Variants in OLFM2 observed in about 807,000 individuals in gnomAD.
OLFM2 encodes the protein olfactomedin 2.
Under a neutral mutation model 43.9 loss-of-function variants are expected in OLFM2, and 20 were observed. The observed-to-expected ratio is 0.46, with a 90% CI of 0.32 to 0.66. The LOEUF is 0.66. Among genes scored for constraint, OLFM2 ranks in the 30% least tolerant of loss-of-function variants. The pLI is 0.04. For synonymous variants in OLFM2, 268 were observed against 278.6 expected, an observed-to-expected ratio of 0.96 and a Z score of 0.38; for missense variants, 416 against 643.6, an observed-to-expected ratio of 0.65 and a Z score of 3.83.
At chr19:9,863,957 C>T (rs187136235) in intron 1 of OLFM2, among the ~76,000 whole-genome samples, 3 of 152,370 alleles carry the variant, frequency 2.0e-5, no homozygotes, top group South Asian at 2.1e-4. Flanking sequence ...GCCCTGGCAG[C>T]GGAGCACAGT....
intron 1 of OLFM2, among the ~76,000 whole-genome samples, chr19:9,900,358 G>C (rs1267253812): frequency 1.3e-5 from 2 of 152,138 alleles, no homozygotes; most frequent in Non-Finnish European, 1.5e-5. Context: ...GTGGATGATG[G>C]AGGCACACCA....
chr19:9,866,476 T>C (rs1302438943), intron 1 of OLFM2, among the ~76,000 whole-genome samples: 1 of 150,508 alleles, frequency 6.6e-6, no homozygotes, highest in African/African-American at 2.5e-5. Flanking sequence ...ATGTGGCAGA[T>C]GTACTAAAGA....
intron 1 of OLFM2, among the ~76,000 whole-genome samples, chr19:9,903,787 T>C (rs1287013730): frequency 1.3e-5 from 2 of 152,174 alleles, no homozygotes; most frequent in African/African-American, 4.8e-5. Flanking sequence ...TTTCCTTTCC[T>C]TCTCACTGCA....
At chr19:9,898,652 C>G (rs1440543999) in intron 1 of OLFM2, among the ~76,000 whole-genome samples, 1 of 152,198 alleles carries the variant, frequency 6.6e-6, no homozygotes, top group Non-Finnish European at 1.5e-5. Flanking sequence ...GCATGAGCCA[C>G]TGTGCTTGGC....
intron 5 of OLFM2, among the ~76,000 whole-genome samples, chr19:9,855,220 G>A (rs571473331): frequency 1.7e-5 from 2 of 116,138 alleles, no homozygotes; most frequent in Admixed American, 9.7e-5. Flanking sequence ...GAGTGCTATT[G>A]GTCTTTTTTT....
chr19:9,906,744 C>G (rs1209167215), intron 1 of OLFM2, among the ~76,000 whole-genome samples: 1 of 152,152 alleles, frequency 6.6e-6, no homozygotes, highest in Non-Finnish European at 1.5e-5. Flanking sequence ...GACAAACCTC[C>G]CCTCTGCCTT....
chr19:9,855,570 T>C lies in OLFM2; in HGVS notation c.688-707A>G, dbSNP rs1458561535. 2.0e-5 allele frequency among the ~76,000 whole-genome samples: 3 copies of C among 150,426 alleles called. No individual in the cohort carries two copies. In the East Asian group the frequency reaches 5.9e-4, roughly 30 times the overall value. ...TTCTTTTGAAACAAAGTCTCACTGT[T>C]TTTCCCAGGCTGGCGGGCAGTGGCA... On this transcript the variant is annotated intron_variant, in intron 5 of 5. Coordinates refer to ENST00000264833, the MANE Select transcript of OLFM2 (RefSeq NM_058164.4).
intron 1 of OLFM2, among the ~76,000 whole-genome samples, chr19:9,882,007 G>A (rs1020426424): frequency 1.3e-5 from 2 of 152,174 alleles, no homozygotes; most frequent in South Asian, 4.1e-4. Flanking sequence ...GGCCGAGGCG[G>A]GTGGATGGCT....
intron 1 of OLFM2, among the ~76,000 whole-genome samples, chr19:9,861,681 A>C (rs1425733612): frequency 6.6e-6 from 1 of 152,232 alleles, no homozygotes; most frequent in Admixed American, 6.5e-5. Context: ...GGGTGAAACA[A>C]GTTTTGTTAC....
chr19:9,904,152 TTGTGTGTGTGTGTGTGTGTGTGTGTG>T (rs56281493), intron 1 of OLFM2, among the ~76,000 whole-genome samples: 12 of 127,162 alleles, frequency 9.4e-5, no homozygotes, highest in South Asian at 5.7e-4. Context: ...TGAGTATTGT[TTGTGTGTGTGTGTGTGTGTGTGTGTG>T]TGTGTGTGTG....
intron 1 of OLFM2, among the ~76,000 whole-genome samples, chr19:9,893,608 G>A (rs887001853): frequency 1.3e-5 from 2 of 152,138 alleles, no homozygotes; most frequent in African/African-American, 4.8e-5. Flanking sequence ...TTCACAATCA[G>A]GTGAGGATTT....
intron 1 of OLFM2, among the ~76,000 whole-genome samples, chr19:9,890,262 C>T (rs530358182): frequency 6.6e-6 from 1 of 152,316 alleles, no homozygotes; most frequent in Non-Finnish European, 1.5e-5. Flanking sequence ...ACTGTTTTCT[C>T]AGCTCCAGCT....
At chr19:9,898,765 C>T (rs1234306868) in intron 1 of OLFM2, among the ~76,000 whole-genome samples, 4 of 152,160 alleles carry the variant, frequency 2.6e-5, no homozygotes, top group African/African-American at 9.7e-5. Context: ...ACATCTGATC[C>T]ATCAGCAAGT....
At chr19:9,872,238 G>A (rs889585637) in intron 1 of OLFM2, among the ~76,000 whole-genome samples, 2 of 152,170 alleles carry the variant, frequency 1.3e-5, no homozygotes, top group Admixed American at 6.6e-5. Flanking sequence ...TCAGCCAGGC[G>A]CTGTGGCTCA....
Position 9,913,422 on chromosome 19 carries a change from C to T in OLFM2, c.63+22882G>A, listed in dbSNP as rs895748511. The T allele has an allele frequency of 5.2e-6, 5 of 964,310 alleles. No homozygotes were observed. In the African/African-American group the frequency reaches 8.9e-5, roughly 17 times the overall value. 59.7% of individuals were successfully genotyped at this position (964,310 alleles called of 1,614,324 possible). Reference sequence around the variant, plus strand: ...GGGGCCCCGGGGGCTGCGGCGGCGGCAGCGGCTGTGGCGCGGGTACCACGC... The same window carrying T: ...GGGGCCCCGGGGGCTGCGGCGGCGGTAGCGGCTGTGGCGCGGGTACCACGC... On this transcript the variant is annotated intron_variant, in intron 1 of 5. Transcript: ENST00000264833.
rs748692759 is a variant in OLFM2, at chr19:9,854,597, G to T, written c.954C>A (p.Gly318=). 1.2e-6 allele frequency: 2 copies of T among 1,613,946 alleles called. No individual in the cohort carries two copies. Among genetic ancestry groups the T allele is most frequent in the Non-Finnish European group, 1.7e-6 (2 of 1,180,032 alleles). The change falls in exon 6 of 6, where the codon GGC becomes GGA. Residue 318 remains glycine (G), a synonymous_variant. Transcript: ENST00000264833. This position sits in a 1 kb window ranked among gnomAD's most constrained non-coding sequence, Gnocchi z 9.5. The stretch of plus-strand genomic sequence containing the variant: ...CCATGAAGTCCATGTCGGAGAAGCC[G>T]CCCCAGGAGTAGGGGAAGGTGTTGT... ...GYNNTFPYSW[G]GFSDMDFMVD...
chr19:9,906,721 G>A (rs928269288), intron 1 of OLFM2, among the ~76,000 whole-genome samples: 11 of 152,286 alleles, frequency 7.2e-5, no homozygotes, highest in Middle Eastern at 6.8e-3. Context: ...ACAGATGGAC[G>A]TGCGGCTGGG....
At chr19:9,865,475 T>G (rs1217370840) in intron 1 of OLFM2, among the ~76,000 whole-genome samples, 3 of 141,874 alleles carry the variant, frequency 2.1e-5, no homozygotes, top group Non-Finnish European at 3.0e-5. Context: ...CTGTTACCTC[T>G]CTGTTTTTTC....
In OLFM2 at chr19:9,902,176, C is replaced by G. The variant is rs553734660; in HGVS notation, c.63+34128G>C. On this transcript the variant is annotated intron_variant, in intron 1 of 5. Transcript: ENST00000264833. ...CCCGAGTAGCTGGGACTACAGGCAC[C>G]CGCCACCAAGCCTGGCTAATTTTTT... Among the ~76,000 whole-genome samples, 1,016 of 151,380 alleles carry G rather than the reference C, an allele frequency of 6.7e-3. 15 individuals carry two copies. Among genetic ancestry groups the G allele is most frequent in the African/African-American group, 0.024 (979 of 41,230 alleles).
Sources: gnomAD v4.1 joint callset for allele counts (sites outside exome capture counted in the v4.1 genomes callset) on GRCh38, gnomAD v4.1.1 for gene constraint, Gnocchi (gnomAD v3.1) non-coding constraint, MANE v1.5 for transcripts, NCBI Gene and HGNC (gene_info 2026-07-23, HGNC 2026-07-21) for gene names.